The following LRP1B variants were observed in gnomAD, a reference collection of about 807,000 sequenced individuals.
LRP1B encodes LDL receptor related protein 1B.
A neutral mutation model predicts 556.6 loss-of-function variants in LRP1B; 217 were observed. The ratio of observed to expected loss-of-function variants is 0.39; its 90% CI spans 0.35 to 0.44. The LOEUF is 0.44. Among genes scored for constraint, LRP1B ranks in the 20% least tolerant of loss-of-function variants. The pLI is 1.00. For missense variants in LRP1B, 5,053 were observed against 5,620.8 expected (o/e 0.90, Z 3.23); for synonymous variants, 2,047 against 1,865.8 (o/e 1.10, Z -2.50).
chr2:141,077,337 T>C (rs1228661944), intron 7 of LRP1B, among the ~76,000 whole-genome samples: 1 of 152,184 alleles, frequency 6.6e-6, no homozygotes, highest in East Asian at 1.9e-4. Context: ...ATTTATTACA[T>C]ATAGGCCAAT....
At chr2:141,489,559 A>G (rs974192547) in intron 2 of LRP1B, among the ~76,000 whole-genome samples, 1 of 151,990 alleles carries the variant, frequency 6.6e-6, no homozygotes, top group African/African-American at 2.4e-5. Flanking sequence ...TAATATAAAG[A>G]TAGTTAATAT....
At chr2:140,309,484 C>T (rs1477417814) in intron 83 of LRP1B, among the ~76,000 whole-genome samples, 1 of 151,736 alleles carries the variant, frequency 6.6e-6, no homozygotes, top group Non-Finnish European at 1.5e-5. Flanking sequence ...TTGCTCTCAC[C>T]ATATGGTCCA....
intron 6 of LRP1B, among the ~76,000 whole-genome samples, chr2:141,200,088 G>A (rs1200610016): frequency 6.6e-6 from 1 of 152,000 alleles, no homozygotes; most frequent in Non-Finnish European, 1.5e-5. Context: ...ATACCCAGAA[G>A]AATATAAATC....
At chr2:141,893,811 C>T (rs1409712385) in intron 1 of LRP1B, among the ~76,000 whole-genome samples, 2 of 152,068 alleles carry the variant, frequency 1.3e-5, no homozygotes, top group African/African-American at 2.4e-5. Context: ...CAATAAGTAC[C>T]AATGAAAATA....
At chr2:141,229,148 A>T (rs759932172) in intron 6 of LRP1B, 35 bp downstream of exon 6, 2 of 1,605,032 alleles carry the variant, frequency 1.2e-6, no homozygotes, top group South Asian at 2.2e-5. Flanking sequence ...GAAATCAGTA[A>T]AGGGTGGCAT....
At chr2:141,464,606 A>ATATATTTTTTTTTTTT in intron 3 of LRP1B, among the ~76,000 whole-genome samples, 8 of 90,534 alleles carry the variant, frequency 8.8e-5, no homozygotes, top group African/African-American at 1.7e-4. Flanking sequence ...ATATATATAT[A>ATATATTTTTTTTTTTT]TTTTTTTAGT....
intron 11 of LRP1B, among the ~76,000 whole-genome samples, chr2:141,029,543 G>T (rs1188758753): frequency 6.6e-6 from 1 of 152,150 alleles, no homozygotes; most frequent in Non-Finnish European, 1.5e-5. Context: ...GCAAACTACA[G>T]ATCTTGCTGT....
At chr2:141,776,512 A>G (rs1695079360) in intron 2 of LRP1B, among the ~76,000 whole-genome samples, 1 of 152,186 alleles carries the variant, frequency 6.6e-6, no homozygotes, top group Admixed American at 6.5e-5. Flanking sequence ...TGAACAGTAG[A>G]GGAAATATCA....
chr2:141,158,007 TTATC>T (rs1192574679), intron 7 of LRP1B, among the ~76,000 whole-genome samples: 1 of 152,142 alleles, frequency 6.6e-6, no homozygotes, highest in African/African-American at 2.4e-5. Flanking sequence ...ATCAATCAGT[TTATC>T]TATTAAAAGG....
chr2:141,287,632 T>C (rs1207382968), intron 3 of LRP1B, among the ~76,000 whole-genome samples: 1 of 152,112 alleles, frequency 6.6e-6, no homozygotes, highest in African/African-American at 2.4e-5. Flanking sequence ...CCATTTAGAA[T>C]TGTTGTTTAA....
chr2:141,516,619 T>C (rs2381113), intron 2 of LRP1B, among the ~76,000 whole-genome samples: 147,745 of 151,938 alleles, frequency 0.97, 71,968 homozygotes, highest in East Asian at 1. Context: ...TGCACCACTG[T>C]ACCCCAGCCT....
intron 3 of LRP1B, among the ~76,000 whole-genome samples, chr2:141,375,365 G>A (rs1032823306): frequency 6.6e-6 from 1 of 152,120 alleles, no homozygotes; most frequent in Non-Finnish European, 1.5e-5. Context: ...TCACCAGATG[G>A]CATGTTTGGA....
intron 41 of LRP1B, among the ~76,000 whole-genome samples, chr2:140,680,565 C>T (rs1045004380): frequency 1.3e-5 from 2 of 152,174 alleles, no homozygotes. Context: ...GTAAGCATAG[C>T]ATTGTCATTC....
intron 77 of LRP1B, among the ~76,000 whole-genome samples, chr2:140,337,711 A>G (rs1175181147): frequency 6.6e-6 from 1 of 151,918 alleles, no homozygotes; most frequent in African/African-American, 2.4e-5. Context: ...TTGAGCATAG[A>G]AAAAGTATCT....
At chr2:141,715,036 T>C (rs910174338) in intron 2 of LRP1B, among the ~76,000 whole-genome samples, 33 of 152,286 alleles carry the variant, frequency 2.2e-4, no homozygotes, top group African/African-American at 6.5e-4. Context: ...AAAAGCTTCA[T>C]TGAGATCAAT....
At chr2:140,488,924 GT>G (rs1246465247) in intron 57 of LRP1B, among the ~76,000 whole-genome samples, 15 of 151,868 alleles carry the variant, frequency 9.9e-5, no homozygotes, top group African/African-American at 3.4e-4. Context: ...AAAGAGGAAA[GT>G]AAATCTCAGG....
At position 141,005,351 on chromosome 2, in the gene LRP1B, A is replaced by C; in HGVS notation, c.2487T>G (p.Asn829Lys). 6.2e-7 allele frequency: 1 copy of C among 1,610,078 alleles called. No homozygotes were observed. The highest frequency in any genetic ancestry group is 8.5e-7 in the Non-Finnish European group (1 of 1,177,452). ...ACADNQLLDE[N>K]GTTCTFNPGE... ...AGAACTTACATGTGCAAGTTGTCCC[A>C]TTTTCATCCAAAAGTTGATTATCGG... Residue 829 changes from asparagine to lysine, a missense_variant, in exon 15 of 91, where the codon AAT becomes AAG. Coordinates refer to ENST00000389484, the MANE Select transcript of LRP1B (RefSeq NM_018557.3).
intron 1 of LRP1B, among the ~76,000 whole-genome samples, chr2:142,039,941 A>T (rs1271773729): frequency 2.6e-5 from 4 of 151,432 alleles, no homozygotes; most frequent in South Asian, 2.1e-4. Context: ...TAAGAAATAC[A>T]CTGTTCAATA....
intron 77 of LRP1B, among the ~76,000 whole-genome samples, chr2:140,348,746 C>T (rs899045842): frequency 7.2e-5 from 11 of 151,962 alleles, no homozygotes; most frequent in Admixed American, 4.6e-4. Flanking sequence ...AAAATATACA[C>T]ATATAAATAT....
Sources: allele counts gnomAD v4.1 joint callset (sites outside exome capture counted in the v4.1 genomes callset), GRCh38; gene constraint gnomAD v4.1.1; transcripts MANE v1.5; gene names NCBI Gene and HGNC (gene_info 2026-07-23, HGNC 2026-07-21).